The following UST variants were observed in gnomAD, a reference collection of about 807,000 sequenced individuals.
The protein encoded by UST is chondroitin sulfate 2-O-sulfotransferase.
A neutral mutation model predicts 45.6 loss-of-function variants in UST; 21 were observed. The observed-to-expected ratio is 0.46, with a 90% CI of 0.33 to 0.66. The LOEUF is 0.66. UST is among the 30% of genes least tolerant of loss of function. The pLI is 0.02. For missense variants in UST, 463 were observed against 512.4 expected (o/e 0.90, Z 0.93); for synonymous variants, 215 against 200.6 (o/e 1.07, Z -0.61).
At chr6:149,049,908 G>GTCTCTCTC (rs138243742) in intron 7 of UST, among the ~76,000 whole-genome samples, 2 of 142,444 alleles carry the variant, frequency 1.4e-5, no homozygotes, top group East Asian at 2.1e-4. Context: ...AACTCACCTT[G>GTCTCTCTC]TCTCTCTCTC....
At chr6:149,029,796 T>C (rs1225207604) in intron 7 of UST, among the ~76,000 whole-genome samples, 1 of 151,948 alleles carries the variant, frequency 6.6e-6, no homozygotes, top group Admixed American at 6.6e-5. Flanking sequence ...ACCATCGATA[T>C]TCTCTATAAA....
chr6:148,863,100 T>G (rs1317317720), intron 1 of UST, among the ~76,000 whole-genome samples: 3 of 152,230 alleles, frequency 2.0e-5, no homozygotes, highest in Non-Finnish European at 4.4e-5. Flanking sequence ...GTTTTCCAAC[T>G]TGGTTCCATT....
intron 2 of UST, among the ~76,000 whole-genome samples, chr6:148,929,911 C>T (rs1339830166): frequency 6.6e-6 from 1 of 152,156 alleles, no homozygotes; most frequent in Admixed American, 6.5e-5. Flanking sequence ...CACAGACACA[C>T]ACACGATGTG....
intron 2 of UST, among the ~76,000 whole-genome samples, chr6:148,904,999 A>G (rs1779328706): frequency 6.6e-6 from 1 of 151,890 alleles, no homozygotes; most frequent in South Asian, 2.1e-4. Flanking sequence ...CCCGGCTCCT[A>G]CTCCTCCTAG....
intron 1 of UST, among the ~76,000 whole-genome samples, chr6:148,862,059 T>C (rs1778327246): frequency 6.6e-6 from 1 of 152,212 alleles, no homozygotes; most frequent in Admixed American, 6.5e-5. Flanking sequence ...CCCTATTAAC[T>C]TTCTGTCTCA....
At chr6:148,880,348 G>A (rs1252245649) in intron 1 of UST, among the ~76,000 whole-genome samples, 1 of 152,190 alleles carries the variant, frequency 6.6e-6, no homozygotes, top group African/African-American at 2.4e-5. Context: ...CTGAGACCCA[G>A]GTGTAGTACA....
At chr6:148,925,817 C>A (rs148821866) in intron 2 of UST, among the ~76,000 whole-genome samples, 1 of 152,186 alleles carries the variant, frequency 6.6e-6, no homozygotes, top group Non-Finnish European at 1.5e-5. Flanking sequence ...ATTTTTAATG[C>A]GCTTACACTA....
chr6:148,853,262 T>C (rs1010576853), intron 1 of UST, among the ~76,000 whole-genome samples: 2 of 152,228 alleles, frequency 1.3e-5, no homozygotes, highest in Admixed American at 6.5e-5. Flanking sequence ...GCTTCATCCA[T>C]GTCCCTGCAA....
rs112214475 is a variant in UST at position 148,854,921 on chromosome 6, C to T, written c.248-32065C>T. ...ACTACTGATAAAGACATACCCGAGA[C>T]GGGGCAATTTACAAAAGAAAGAGGT... On this transcript the variant is annotated intron_variant, in intron 1 of 7. Coordinates refer to ENST00000367463, the MANE Select transcript of UST (RefSeq NM_005715.3). 8.7e-3 allele frequency among the ~76,000 whole-genome samples: 1,317 copies of T among 152,110 alleles called. 22 individuals are homozygous for T. The highest frequency in any genetic ancestry group is 0.03 in the African/African-American group (1,224 of 41,456).
intron 1 of UST, among the ~76,000 whole-genome samples, chr6:148,794,757 G>A (rs541697513): frequency 1.3e-5 from 2 of 152,320 alleles, no homozygotes; most frequent in South Asian, 4.1e-4. Context: ...TCCAACAAAA[G>A]CTTTGTGTGG....
chr6:149,039,668 G>A lies in UST; in HGVS notation c.937+18187G>A, dbSNP rs547105674. Among the ~76,000 whole-genome samples, 7 of 152,280 alleles carry A rather than the reference G, an allele frequency of 4.6e-5. No individual in the cohort carries two copies. The South Asian group carries it at 1.0e-3, about 23-fold the overall frequency. On this transcript the variant is annotated intron_variant, in intron 7 of 7. Coordinates refer to ENST00000367463, the MANE Select transcript of UST (RefSeq NM_005715.3). ...CCAAACCCTGTGGGCTTCCCACCACGCTTTGTAGCTTTTTCTATTTTTGTG... is the reference window on the plus strand; with the variant it reads ...CCAAACCCTGTGGGCTTCCCACCACACTTTGTAGCTTTTTCTATTTTTGTG...
At chr6:149,009,670 T>TA (rs1562328380) in intron 5 of UST, among the ~76,000 whole-genome samples, 1 of 151,870 alleles carries the variant, frequency 6.6e-6, no homozygotes, top group Admixed American at 6.6e-5. Flanking sequence ...AGCAAAAAGT[T>TA]ACTTGAGGAA....
chr6:148,867,309 CACACACACACACACACACAT>C (rs1424145046), intron 1 of UST, among the ~76,000 whole-genome samples: 8 of 144,238 alleles, frequency 5.5e-5, no homozygotes, highest in East Asian at 4.5e-4. Flanking sequence ...CACACACACA[CACACACACACACACACACAT>C]ATATATGTAC....
chr6:148,971,496 A>G (rs60071506), intron 5 of UST, among the ~76,000 whole-genome samples: 1,648 of 152,258 alleles, frequency 0.011, 31 homozygotes, highest in African/African-American at 0.038. Flanking sequence ...CCTACAATGC[A>G]GAGACATGGC....
At chr6:148,793,614 G>C (rs1776894234) in intron 1 of UST, among the ~76,000 whole-genome samples, 1 of 152,214 alleles carries the variant, frequency 6.6e-6, no homozygotes, top group African/African-American at 2.4e-5. Context: ...CAACAGGTGA[G>C]TAATGCAGTG....
At chr6:148,942,067 G>C (rs913352342) in intron 3 of UST, among the ~76,000 whole-genome samples, 1 of 152,126 alleles carries the variant, frequency 6.6e-6, no homozygotes, top group Non-Finnish European at 1.5e-5. Context: ...CCTGTATAGA[G>C]GTAAGGGCAA....
chr6:149,049,521 T>G (rs891411654), intron 7 of UST, among the ~76,000 whole-genome samples: 1 of 152,214 alleles, frequency 6.6e-6, no homozygotes, highest in African/African-American at 2.4e-5. Flanking sequence ...TCCCAACTGT[T>G]AGATAGTAAG....
chr6:148,912,629 C>T (rs754879187), intron 2 of UST, among the ~76,000 whole-genome samples: 5 of 152,170 alleles, frequency 3.3e-5, no homozygotes, highest in Non-Finnish European at 7.3e-5. Flanking sequence ...CCTCCCTGGC[C>T]GGTCAGAGCC....
intron 1 of UST, among the ~76,000 whole-genome samples, chr6:148,805,043 A>G (rs1473594126): frequency 6.6e-6 from 1 of 152,098 alleles, no homozygotes; most frequent in African/African-American, 2.4e-5. Context: ...CTGTCCCTCT[A>G]TGTTTGCATA....
Sources: allele counts gnomAD v4.1 joint callset (sites outside exome capture counted in the v4.1 genomes callset), GRCh38; gene constraint gnomAD v4.1.1; transcripts MANE v1.5; gene names NCBI Gene and HGNC (gene_info 2026-07-23, HGNC 2026-07-21).